CADPS2: variants seen among roughly 807,000 people sequenced by gnomAD.
CADPS2 encodes calcium-dependent secretion activator 2.
CADPS2 carries 93 observed loss-of-function variants against 172.5 expected under a neutral mutation model. That is an observed-to-expected ratio of 0.54 (90% CI 0.46 to 0.64). CADPS2 has a LOEUF of 0.64. Among genes scored for constraint, CADPS2 ranks in the 30% least tolerant of loss-of-function variants. CADPS2 has a pLI of 0.00. For synonymous variants in CADPS2, 546 were observed against 555.2 expected (o/e 0.98, Z 0.23); for missense variants, 1,420 against 1,565.9 (o/e 0.91, Z 1.57).
intron 1 of CADPS2, among the ~76,000 whole-genome samples, chr7:122,847,926 T>G (rs1381639897): frequency 6.6e-6 from 1 of 152,182 alleles, no homozygotes; most frequent in East Asian, 1.9e-4. Context: ...GCAAAGCCAG[T>G]AAAACATCAT....
chr7:122,510,134 A>C (rs2130768095), intron 9 of CADPS2, among the ~76,000 whole-genome samples: 1 of 152,276 alleles, frequency 6.6e-6, no homozygotes, highest in African/African-American at 2.4e-5. Flanking sequence ...TTCCAAATCT[A>C]ATAATAAAAC....
intron 1 of CADPS2, among the ~76,000 whole-genome samples, chr7:122,805,303 G>A (rs905903571): frequency 2.6e-5 from 4 of 152,128 alleles, no homozygotes; most frequent in Non-Finnish European, 5.9e-5. Flanking sequence ...GGGACTACAG[G>A]CACTTGCCAC....
At chr7:122,575,582 G>A (rs1462321442) in intron 7 of CADPS2, among the ~76,000 whole-genome samples, 5 of 151,728 alleles carry the variant, frequency 3.3e-5, no homozygotes, top group Non-Finnish European at 5.9e-5. Flanking sequence ...GATTACAGGT[G>A]TGCACCACCA....
intron 2 of CADPS2, among the ~76,000 whole-genome samples, chr7:122,696,728 A>G (rs1370780770): frequency 6.6e-6 from 1 of 152,216 alleles, no homozygotes; most frequent in African/African-American, 2.4e-5. Flanking sequence ...TTATAATTTA[A>G]TATTTTTTCA....
At chr7:122,580,575 A>C (rs1454172955) in intron 7 of CADPS2, among the ~76,000 whole-genome samples, 1 of 152,114 alleles carries the variant, frequency 6.6e-6, no homozygotes, top group Non-Finnish European at 1.5e-5. Context: ...GATTTACCTA[A>C]TGTTAATGCT....
rs780826934 is a variant in CADPS2 at position 122,388,575 on chromosome 7, A to G, written c.3164+8T>C. The G allele has an allele frequency of 7.0e-6, 11 of 1,572,022 alleles. No homozygotes were observed. The highest frequency in any genetic ancestry group is 7.8e-6 in the Non-Finnish European group (9 of 1,155,714). ...ACATTAAGCAGCAATTTGAAAATAC[A>G]TGTCTACCTTTTGACACAGGCCTCT... On this transcript the variant is annotated splice_region_variant and intron_variant, in intron 23 of 29. Transcript: ENST00000449022.
chr7:122,398,741 T>C (rs1006703604), intron 20 of CADPS2, among the ~76,000 whole-genome samples: 1 of 147,594 alleles, frequency 6.8e-6, no homozygotes, highest in African/African-American at 2.5e-5. Context: ...AACACTCTTC[T>C]CTCTCTCTCT....
intron 1 of CADPS2, among the ~76,000 whole-genome samples, chr7:122,859,641 G>A (rs982340962): frequency 7.2e-5 from 11 of 152,084 alleles, no homozygotes; most frequent in African/African-American, 2.4e-4. Flanking sequence ...TGTTATCCAT[G>A]AGGGATAGGT....
At chr7:122,514,832 T>C (rs974260381) in intron 8 of CADPS2, among the ~76,000 whole-genome samples, 20 of 152,050 alleles carry the variant, frequency 1.3e-4, no homozygotes, top group South Asian at 2.1e-4. Context: ...ATTAATAACA[T>C]AGAAAGTATC....
chr7:122,782,730 T>C (rs1172097476), intron 1 of CADPS2, among the ~76,000 whole-genome samples: 2 of 152,238 alleles, frequency 1.3e-5, no homozygotes, highest in African/African-American at 4.8e-5. Flanking sequence ...TATTTGGTCA[T>C]CTGAACCAAA....
intron 7 of CADPS2, among the ~76,000 whole-genome samples, chr7:122,580,327 T>C (rs760371923): frequency 1.3e-5 from 2 of 151,830 alleles, no homozygotes; most frequent in African/African-American, 2.4e-5. Flanking sequence ...AGGTGGTATG[T>C]GCCTGTGGTC....
At chr7:122,445,039 T>C (rs1298331764) in intron 15 of CADPS2, among the ~76,000 whole-genome samples, 1 of 152,190 alleles carries the variant, frequency 6.6e-6, no homozygotes, top group Non-Finnish European at 1.5e-5. Context: ...CCTTGAACAT[T>C]CACTGAAAAT....
chr7:122,376,133 TA>T (rs2042316410), intron 25 of CADPS2, among the ~76,000 whole-genome samples: 1 of 152,136 alleles, frequency 6.6e-6, no homozygotes, highest in Admixed American at 6.6e-5. Flanking sequence ...GGTGGATATG[TA>T]AATTGGTGTA....
chr7:122,691,370 T>C (rs1205732601), intron 2 of CADPS2, among the ~76,000 whole-genome samples: 1 of 152,240 alleles, frequency 6.6e-6, no homozygotes, highest in Admixed American at 6.5e-5. Context: ...ACTAAAAGCC[T>C]GTTGGCACTT....
intron 1 of CADPS2, among the ~76,000 whole-genome samples, chr7:122,816,465 C>T (rs550179600): frequency 6.6e-6 from 1 of 152,260 alleles, no homozygotes; most frequent in African/African-American, 2.4e-5. Context: ...GATTCCATAT[C>T]TTGGCTATTG....
chr7:122,821,004 A>T (rs1803094150), intron 1 of CADPS2, among the ~76,000 whole-genome samples: 1 of 151,576 alleles, frequency 6.6e-6, no homozygotes, highest in Non-Finnish European at 1.5e-5. Context: ...TCTTCCTCAT[A>T]CCTGACGCAT....
chr7:122,404,967 A>T (rs1289137809), intron 20 of CADPS2, among the ~76,000 whole-genome samples: 1 of 152,112 alleles, frequency 6.6e-6, no homozygotes, highest in African/African-American at 2.4e-5. Flanking sequence ...TCTACTAAAA[A>T]TACAAAAAAA....
intron 4 of CADPS2, 57 bp from the exon 5 acceptor site, chr7:122,621,774 T>A: frequency 1.0e-6 from 1 of 959,658 alleles, no homozygotes; most frequent in South Asian, 1.7e-5. Context: ...AATTTTATCA[T>A]ACAAAATTGT....
chr7:122,775,600 T>C (rs2093854001), intron 1 of CADPS2, among the ~76,000 whole-genome samples: 1 of 152,250 alleles, frequency 6.6e-6, no homozygotes, highest in Non-Finnish European at 1.5e-5. Flanking sequence ...ATATTTCTTT[T>C]GTACTTGTGG....
Sources: gnomAD v4.1 joint callset for allele counts (sites outside exome capture counted in the v4.1 genomes callset) on GRCh38, gnomAD v4.1.1 for gene constraint, MANE v1.5 for transcripts, NCBI Gene and HGNC (gene_info 2026-07-23, HGNC 2026-07-21) for gene names.